STIM1: variants seen among roughly 807,000 people sequenced by gnomAD.
The protein encoded by STIM1 is stromal interaction molecule 1.
A neutral mutation model predicts 74.7 loss-of-function variants in STIM1; 25 were observed. The ratio of observed to expected loss-of-function variants is 0.33; its 90% confidence interval spans 0.24 to 0.47. The LOEUF (loss-of-function observed/expected upper bound fraction) is 0.47, where lower values mean the gene tolerates loss of function less well. Ranked by LOEUF, STIM1 falls within the 20% of genes least tolerant of loss-of-function variation. The pLI is 1.00. For missense variants in STIM1, 728 were observed against 920.8 expected (o/e 0.79, Z 2.71); for synonymous variants, 328 against 348.8 (o/e 0.94, Z 0.66).
intron 3 of STIM1, among the ~76,000 whole-genome samples, chr11:4,032,785 G>T (rs1036858606): frequency 1.2e-4 from 18 of 151,936 alleles, no homozygotes; most frequent in Admixed American, 2.0e-4. Flanking sequence ...TGTTGTATAT[G>T]GTATTTTTTA....
chr11:3,860,950 T>C lies in STIM1; in HGVS notation c.139+4541T>C, dbSNP rs144701288. ...TAATGATGTGCAAAATCAGGCAGTA[T>C]AGACATTGTAGGCTAAGGGTTAAAA... On this transcript the variant is annotated intron_variant, in intron 1 of 12. Transcript: ENST00000526596. 5.6e-3 allele frequency among the ~76,000 whole-genome samples: 848 copies of C among 152,206 alleles called. 3 individuals carry two copies. Among genetic ancestry groups the C allele is most frequent in the Admixed American group, 9.5e-3 (145 of 15,286 alleles).
intron 2 of STIM1, among the ~76,000 whole-genome samples, chr11:3,968,299 C>T (rs2093359219): frequency 6.6e-6 from 1 of 152,142 alleles, no homozygotes; most frequent in Non-Finnish European, 1.5e-5. Context: ...AGAATAAGGT[C>T]ATTATGTGTG....
intron 2 of STIM1, among the ~76,000 whole-genome samples, chr11:3,998,400 T>C (rs2093681782): frequency 6.6e-6 from 1 of 152,180 alleles, no homozygotes; most frequent in Non-Finnish European, 1.5e-5. Context: ...TTTGGGGACC[T>C]TTTTCTTTCT....
At chr11:3,991,215 A>G (rs7950998) in intron 2 of STIM1, among the ~76,000 whole-genome samples, 146,941 of 146,942 alleles carry the variant, frequency 1, 73,470 homozygotes, top group Non-Finnish European at 1. Flanking sequence ...CTGTCACCCA[A>G]ACTGGAGTGC....
intron 3 of STIM1, among the ~76,000 whole-genome samples, chr11:4,037,283 T>C (rs1301436985): frequency 1.3e-5 from 2 of 152,180 alleles, no homozygotes; most frequent in African/African-American, 2.4e-5. Flanking sequence ...ACTCCTGACC[T>C]CAAGTGATCT....
At chr11:3,993,463 C>G (rs764813915) in intron 2 of STIM1, among the ~76,000 whole-genome samples, 1 of 152,114 alleles carries the variant, frequency 6.6e-6, no homozygotes, top group East Asian at 1.9e-4. Context: ...TTGAGACCAG[C>G]CTGGCCAACA....
At chr11:3,910,748 G>A (rs907540795) in intron 1 of STIM1, among the ~76,000 whole-genome samples, 16 of 151,658 alleles carry the variant, frequency 1.1e-4, no homozygotes, top group African/African-American at 3.6e-4. Context: ...TTGGGAGGCC[G>A]AAGTGGGCGG....
chr11:3,907,194 C>T (rs1359494249), intron 1 of STIM1, among the ~76,000 whole-genome samples: 3 of 152,060 alleles, frequency 2.0e-5, no homozygotes, highest in South Asian at 2.1e-4. Flanking sequence ...GGGGAAAAAA[C>T]GAACAAAACG....
intron 2 of STIM1, among the ~76,000 whole-genome samples, chr11:4,020,669 A>G (rs561004999): frequency 1.3e-5 from 2 of 151,884 alleles, no homozygotes; most frequent in South Asian, 2.1e-4. Flanking sequence ...ACTCACTACA[A>G]CCTTGATCTC....
At chr11:3,876,157 A>G (rs1193527602) in intron 1 of STIM1, among the ~76,000 whole-genome samples, 2 of 152,170 alleles carry the variant, frequency 1.3e-5, no homozygotes, top group African/African-American at 4.8e-5. Flanking sequence ...AATGTATGTG[A>G]AAGTCTTTTG....
chr11:4,091,753 G>A lies in STIM1; in HGVS notation c.2106G>A (p.Arg702=), dbSNP rs2094526692. ...AGGAAACAGACTCCAGCCCAGGCCGGAAGAAGTTTCCCCTCAAAATCTTTA... is the reference window on the plus strand; with the variant it reads ...AGGAAACAGACTCCAGCCCAGGCCGAAAGAAGTTTCCCCTCAAAATCTTTA... The part of the protein sequence containing the change: ...IGEETDSSPG[R]KKFPLKIFKK... The change falls in exon 13 of 13, where the codon CGG becomes CGA. Residue 702 remains arginine, a synonymous_variant. Transcript: ENST00000526596. 6.2e-7 allele frequency: 1 copy of A among 1,611,534 alleles called. No individual in the cohort carries two copies. The highest frequency in any genetic ancestry group is 1.1e-5 in the South Asian group (1 of 91,088).
chr11:3,893,641 C>T (rs576780910), intron 1 of STIM1, among the ~76,000 whole-genome samples: 28 of 148,844 alleles, frequency 1.9e-4, no homozygotes, highest in Admixed American at 1.2e-3. Flanking sequence ...TGGTTAAAAT[C>T]TGGGTCAACA....
intron 2 of STIM1, among the ~76,000 whole-genome samples, chr11:3,972,268 C>T (rs1317345131): frequency 6.6e-6 from 1 of 152,150 alleles, no homozygotes; most frequent in East Asian, 1.9e-4. Context: ...AAATTTTTGC[C>T]ATTTCTGAAG....
At chr11:4,063,679 T>G (rs1474638558) in intron 5 of STIM1, among the ~76,000 whole-genome samples, 1 of 152,242 alleles carries the variant, frequency 6.6e-6, no homozygotes, top group Admixed American at 6.5e-5. Flanking sequence ...ACAGCTTTTT[T>G]TGTAGCTCCT....
At position 3,939,209 on chromosome 11, in the gene STIM1, A is replaced by G. The variant is rs181431147; in HGVS notation, c.140-28343A>G. Among the ~76,000 whole-genome samples, 4 of 152,342 alleles carry G rather than the reference A, an allele frequency of 2.6e-5. No homozygotes were observed. The East Asian group carries it at 7.7e-4, about 29-fold the overall frequency. ...ATCAGAGGATATACACTTAGACAGT[A>G]CCATCATGATTATCTGGTTATGATG... On this transcript the variant is annotated intron_variant, in intron 1 of 12. Transcript: ENST00000526596.
At chr11:4,043,579 T>A (rs1480059968) in intron 3 of STIM1, among the ~76,000 whole-genome samples, 1 of 152,226 alleles carries the variant, frequency 6.6e-6, no homozygotes, top group Admixed American at 6.5e-5. Flanking sequence ...TATGTTGTAC[T>A]TATTTTTATC....
At chr11:3,991,950 C>CAAAAAAAAA (rs1230185435) in intron 2 of STIM1, among the ~76,000 whole-genome samples, 6 of 36,690 alleles carry the variant, frequency 1.6e-4, no homozygotes, top group African/African-American at 4.1e-4. Flanking sequence ...AACTCCATCT[C>CAAAAAAAAA]AAAAAAAAAA....
rs78402995 is a variant in STIM1, at chr11:3,893,400, A to T, written c.139+36991A>T. On this transcript the variant is annotated intron_variant, in intron 1 of 12. Coordinates refer to ENST00000526596, the MANE Select transcript of STIM1 (RefSeq NM_001382567.1). Reference sequence around the variant, plus strand: ...AGTGTCTTTGATTTTGGTTTCAATTATACAAGTTTTGTGTGAACACTAGTT... The same window carrying T: ...AGTGTCTTTGATTTTGGTTTCAATTTTACAAGTTTTGTGTGAACACTAGTT... 6.9e-3 allele frequency among the ~76,000 whole-genome samples: 1,058 copies of T among 152,356 alleles called. 10 individuals are homozygous for T. Among genetic ancestry groups the T allele is most frequent in the African/African-American group, 0.024 (978 of 41,572 alleles).
At chr11:3,909,922 C>T (rs2060822) in intron 1 of STIM1, among the ~76,000 whole-genome samples, 144,504 of 152,262 alleles carry the variant, frequency 0.95, 68,592 homozygotes, top group African/African-American at 0.97. Flanking sequence ...GAATCAGAGC[C>T]GTTCCGAGGA....
Sources: gnomAD v4.1 joint callset for allele counts (sites outside exome capture counted in the v4.1 genomes callset) on GRCh38, gnomAD v4.1.1 for gene constraint, MANE v1.5 for transcripts, NCBI Gene and HGNC (gene_info 2026-07-23, HGNC 2026-07-21) for gene names.